SNX18: variants seen among roughly 807,000 people sequenced by gnomAD.
The protein encoded by SNX18 is sorting nexin-18.
Under a neutral mutation model 48.7 loss-of-function variants are expected in SNX18, and 35 were observed. That is an observed-to-expected ratio of 0.72 (90% CI 0.55 to 0.95). The LOEUF is 0.95. Among genes scored for constraint, SNX18 ranks in the 40% least tolerant of loss-of-function variants. The pLI, the probability that SNX18 is intolerant of heterozygous loss-of-function variation, is 0.00. For synonymous variants in SNX18, 492 were observed against 384.7 expected (o/e 1.28, Z -3.26); for missense variants, 824 against 871.0 (o/e 0.95, Z 0.68).
chr5:54,568,277 C>G, the SNX18 span, among the ~76,000 whole-genome samples: 3 of 152,192 alleles, frequency 2.0e-5, no homozygotes, highest in Non-Finnish European at 4.4e-5. Flanking sequence ...AAAGGATGTG[C>G]TTTAGTGACA....
chr5:54,541,755 A>G (rs1165317304), intron 1 of SNX18, among the ~76,000 whole-genome samples: 1 of 152,222 alleles, frequency 6.6e-6, no homozygotes, highest in African/African-American at 2.4e-5. Flanking sequence ...GTACATATAT[A>G]TGGATGAAAT....
At chr5:54,600,934 T>G in the SNX18 span, among the ~76,000 whole-genome samples, 57,276 of 151,952 alleles carry the variant, frequency 0.38, 10,940 homozygotes, top group South Asian at 0.56. Flanking sequence ...TATGGCACAC[T>G]TTTATCTATG....
chr5:54,586,445 GA>G, the SNX18 span, among the ~76,000 whole-genome samples: 16 of 151,170 alleles, frequency 1.1e-4, no homozygotes, highest in East Asian at 3.9e-4. Context: ...AATTTAAAAA[GA>G]AAAAAAAATG....
chr5:54,618,107 C>A, the SNX18 span, among the ~76,000 whole-genome samples: 1 of 152,136 alleles, frequency 6.6e-6, no homozygotes, highest in East Asian at 1.9e-4. Flanking sequence ...GGGCCATTAC[C>A]CACATGCTGC....
the SNX18 span, among the ~76,000 whole-genome samples, chr5:54,572,754 G>GTGTGTGTGTGTATATATA: frequency 6.3e-5 from 2 of 31,860 alleles, no homozygotes; most frequent in African/African-American, 2.4e-4. Flanking sequence ...GTGTGTGTGT[G>GTGTGTGTGTGTATATATA]TATATATATA....
the SNX18 span, among the ~76,000 whole-genome samples, chr5:54,643,017 A>G: frequency 1.3e-5 from 2 of 152,168 alleles, no homozygotes; most frequent in Middle Eastern, 3.2e-3. Flanking sequence ...TTGGTATCTT[A>G]TAGCCACAGG....
At chr5:54,640,969 A>T in the SNX18 span, among the ~76,000 whole-genome samples, 1 of 152,192 alleles carries the variant, frequency 6.6e-6, no homozygotes, top group Non-Finnish European at 1.5e-5. Context: ...CTAACATAGG[A>T]GAACTGCTTG....
the SNX18 span, among the ~76,000 whole-genome samples, chr5:54,553,391 A>G: frequency 6.6e-6 from 1 of 152,198 alleles, no homozygotes. Context: ...GCACAGCAAC[A>G]GGTCGGGGAG....
chr5:54,563,851 CAT>C, the SNX18 span, among the ~76,000 whole-genome samples: 9 of 151,850 alleles, frequency 5.9e-5, no homozygotes, highest in Non-Finnish European at 1.3e-4. Flanking sequence ...CCTAATATAA[CAT>C]ATATATTATT....
chr5:54,606,135 C>T, the SNX18 span, among the ~76,000 whole-genome samples: 4 of 152,106 alleles, frequency 2.6e-5, no homozygotes, highest in African/African-American at 4.8e-5. Flanking sequence ...TATAGATTTT[C>T]CAGGCGTTTC....
At chr5:54,555,826 CAAAAAAA>C in the SNX18 span, among the ~76,000 whole-genome samples, 1 of 85,024 alleles carries the variant, frequency 1.2e-5, no homozygotes, top group Non-Finnish European at 2.5e-5. Context: ...GACCTTGTCT[CAAAAAAA>C]AAAAAAAGAA....
the SNX18 span, among the ~76,000 whole-genome samples, chr5:54,584,626 GAACAAC>G: frequency 5.9e-5 from 9 of 152,274 alleles, no homozygotes; most frequent in East Asian, 1.7e-3. Context: ...AAAAAAATAT[GAACAAC>G]AACAACAACC....
chr5:54,587,787 T>C, the SNX18 span, among the ~76,000 whole-genome samples: 1 of 152,000 alleles, frequency 6.6e-6, no homozygotes, highest in Non-Finnish European at 1.5e-5. Flanking sequence ...AGTGGTCACC[T>C]ATTTCCATTC....
chr5:54,606,125 T>C, the SNX18 span, among the ~76,000 whole-genome samples: 80 of 152,368 alleles, frequency 5.3e-4, no homozygotes, highest in Non-Finnish European at 2.6e-4. Context: ...GTACTATTTG[T>C]ATAGATTTTC....
chr5:54,622,066 G>A, the SNX18 span, among the ~76,000 whole-genome samples: 2 of 152,232 alleles, frequency 1.3e-5, no homozygotes, highest in Non-Finnish European at 2.9e-5. Flanking sequence ...GAGGAGAGCT[G>A]CCTTTGGCTG....
downstream of SNX18, among the ~76,000 whole-genome samples, chr5:54,547,656 C>G (rs998511748): frequency 1.3e-5 from 2 of 152,146 alleles, no homozygotes; most frequent in African/African-American, 2.4e-5. Context: ...TGCAGTCTTA[C>G]GTAGACTGGG....
At chr5:54,614,342 T>A in the SNX18 span, among the ~76,000 whole-genome samples, 1 of 152,184 alleles carries the variant, frequency 6.6e-6, no homozygotes, top group Non-Finnish European at 1.5e-5. Context: ...TTTGTGGGGT[T>A]TTATTAGGCT....
the SNX18 span, among the ~76,000 whole-genome samples, chr5:54,621,917 A>G: frequency 4.0e-3 from 609 of 152,254 alleles, 4 homozygotes; most frequent in Non-Finnish European, 5.2e-3. Flanking sequence ...CCTTCCTCCC[A>G]TTTCAATTAC....
At chr5:54,521,190 G>A (rs1302357612) in intron 1 of SNX18, among the ~76,000 whole-genome samples, 1 of 152,134 alleles carries the variant, frequency 6.6e-6, no homozygotes, top group Non-Finnish European at 1.5e-5. Context: ...AATTACTGGT[G>A]AACAGTTGAA....
Sources: allele counts gnomAD v4.1 joint callset (sites outside exome capture counted in the v4.1 genomes callset), GRCh38; gene constraint gnomAD v4.1.1; transcripts MANE v1.5; gene names NCBI Gene and HGNC (gene_info 2026-07-23, HGNC 2026-07-21).